The following BCKDHB variants were observed in gnomAD, a reference collection of about 807,000 sequenced individuals.
BCKDHB encodes the protein 2-oxoisovalerate dehydrogenase subunit beta, mitochondrial.
BCKDHB carries 41 observed loss-of-function variants against 48.5 expected under a neutral mutation model. The ratio of observed to expected loss-of-function variants is 0.85; its 90% confidence interval spans 0.66 to 1.10. BCKDHB has a LOEUF of 1.10. Ranked by LOEUF, BCKDHB falls within the 50% of genes least tolerant of loss-of-function variation. The pLI is 0.00. For missense variants in BCKDHB, 496 were observed against 494.2 expected, an observed-to-expected ratio of 1.00 and a Z score of -0.03; for synonymous variants, 201 against 174.8, an observed-to-expected ratio of 1.15 and a Z score of -1.18.
At chr6:80,171,458 T>G in intron 6 of BCKDHB, 68 bp downstream of exon 6, 2 of 899,754 alleles carry the variant, frequency 2.2e-6, no homozygotes, top group Non-Finnish European at 3.4e-6. Flanking sequence ...GCTCTAAAAG[T>G]TATATCTTTT....
At chr6:80,211,325 G>A (rs371016008) in intron 8 of BCKDHB, among the ~76,000 whole-genome samples, 32 of 152,018 alleles carry the variant, frequency 2.1e-4, no homozygotes, top group Admixed American at 2.0e-3. Context: ...TCTTTTTCTG[G>A]TGTGTCCTGC....
the BCKDHB span, among the ~76,000 whole-genome samples, chr6:80,381,711 G>A: frequency 6.6e-6 from 1 of 152,026 alleles, no homozygotes; most frequent in Non-Finnish European, 1.5e-5. Context: ...ACTTTTCTGT[G>A]AAGGACATTT....
chr6:80,413,958 A>G, the BCKDHB span, among the ~76,000 whole-genome samples: 2 of 152,158 alleles, frequency 1.3e-5, no homozygotes, highest in African/African-American at 2.4e-5. Flanking sequence ...CCTTGTCAGC[A>G]TCTGTTACTT....
At chr6:80,325,355 C>A (rs1768980605) in intron 9 of BCKDHB, among the ~76,000 whole-genome samples, 1 of 152,214 alleles carries the variant, frequency 6.6e-6, no homozygotes, top group East Asian at 1.9e-4. Flanking sequence ...GTGGCTTTTA[C>A]CTTTTCTGGT....
At chr6:80,201,888 C>G (rs919820220) in intron 7 of BCKDHB, among the ~76,000 whole-genome samples, 3 of 152,076 alleles carry the variant, frequency 2.0e-5, no homozygotes, top group Admixed American at 6.6e-5. Flanking sequence ...AAGAAGATAA[C>G]AAAAATAGTT....
chr6:80,440,883 A>G, the BCKDHB span: 1 of 152,088 alleles, frequency 6.6e-6, no homozygotes, highest in Non-Finnish European at 1.5e-5. Context: ...TCTAATATGG[A>G]GACAGTTCCA....
chr6:80,172,187 AT>A (rs1772949887), intron 6 of BCKDHB, among the ~76,000 whole-genome samples: 1 of 152,044 alleles, frequency 6.6e-6, no homozygotes, highest in African/African-American at 2.4e-5. Flanking sequence ...TTTTGCTTGT[AT>A]CAGTAGTTTA....
intron 8 of BCKDHB, among the ~76,000 whole-genome samples, chr6:80,218,244 G>A (rs780912188): frequency 6.6e-5 from 10 of 152,074 alleles, no homozygotes; most frequent in Middle Eastern, 3.2e-3. Flanking sequence ...TGTCGGTGGA[G>A]CCTGGGTCAC....
chr6:80,374,406 T>G, the BCKDHB span: 1 of 786,064 alleles, frequency 1.3e-6, no homozygotes, highest in Non-Finnish European at 2.3e-6. Flanking sequence ...TACGCACCGT[T>G]TCTGTAAAGT....
At position 80,295,341 on chromosome 6, in the gene BCKDHB, A is replaced by G. The variant is rs372027263; in HGVS notation, c.1038+22120A>G. ...AGGCCTCATAATCATGGCAGAAGAC[A>G]AAGGAGGAGCAAAGTCACATCTCGT... On this transcript the variant is annotated intron_variant, in intron 9 of 9. Coordinates refer to ENST00000320393, the MANE Select transcript of BCKDHB (RefSeq NM_183050.4). 4.3e-4 allele frequency among the ~76,000 whole-genome samples: 65 copies of G among 152,300 alleles called. No individual in the cohort carries two copies. In the South Asian group the frequency reaches 8.1e-3, roughly 19 times the overall value.
the BCKDHB span, among the ~76,000 whole-genome samples, chr6:80,409,789 T>A: frequency 6.6e-6 from 1 of 151,478 alleles, no homozygotes; most frequent in Non-Finnish European, 1.5e-5. Flanking sequence ...GATTTTCCTC[T>A]ATCCCTTTAT....
chr6:80,348,728 C>A (rs984799358), downstream of BCKDHB, among the ~76,000 whole-genome samples: 2 of 152,164 alleles, frequency 1.3e-5, no homozygotes, highest in Non-Finnish European at 2.9e-5. Flanking sequence ...TAGCAGAAAT[C>A]TTTGGCCTGA....
intron 6 of BCKDHB, among the ~76,000 whole-genome samples, chr6:80,180,726 T>G (rs1773373446): frequency 6.6e-6 from 1 of 152,202 alleles, no homozygotes; most frequent in South Asian, 2.1e-4. Context: ...CGAACATTAT[T>G]TAAAGTAGCT....
At chr6:80,277,796 CTG>C (rs1404456374) in intron 9 of BCKDHB, among the ~76,000 whole-genome samples, 1 of 151,560 alleles carries the variant, frequency 6.6e-6, no homozygotes, top group East Asian at 1.9e-4. Flanking sequence ...AACTCAGAAA[CTG>C]TGGATACCAA....
intron 6 of BCKDHB, among the ~76,000 whole-genome samples, chr6:80,189,105 T>C (rs1271054412): frequency 6.6e-6 from 1 of 152,252 alleles, no homozygotes; most frequent in East Asian, 1.9e-4. Context: ...AAGTCAAATA[T>C]CTGGAAGTCA....
rs371131253 is a variant in BCKDHB, at chr6:80,127,589, C to G, written c.239C>G (p.Ala80Gly). ...AATCTTTTCCAGTCTGTAACAAGTGCCTTGGATAACTCATTGGCCAAAGAT... is the reference window on the plus strand; with the variant it reads ...AATCTTTTCCAGTCTGTAACAAGTGGCTTGGATAACTCATTGGCCAAAGAT... ...KMNLFQSVTS[A>G]LDNSLAKDPT... The change falls in exon 2 of 10, where the codon GCC (alanine) becomes GGC (glycine). Residue 80 changes from alanine (A) to glycine (G), a missense_variant. Ala to Gly is a moderately conservative substitution (Grantham distance 60). Transcript: ENST00000320393. 2.5e-6 allele frequency: 4 copies of G among 1,613,274 alleles called. No individual in the cohort carries two copies. Among genetic ancestry groups the G allele is most frequent in the Non-Finnish European group, 2.5e-6 (3 of 1,179,498 alleles).
At chr6:80,440,955 C>G in the BCKDHB span, 1 of 152,138 alleles carries the variant, frequency 6.6e-6, no homozygotes, top group Non-Finnish European at 1.5e-5. Context: ...AAATTACAGT[C>G]CAGGTGGCTG....
At chr6:80,165,239 T>G (rs537833831) in intron 3 of BCKDHB, among the ~76,000 whole-genome samples, 1 of 152,272 alleles carries the variant, frequency 6.6e-6, no homozygotes, top group East Asian at 1.9e-4. Context: ...TTTCTACCAC[T>G]GAGTTTTTGG....
the BCKDHB span, among the ~76,000 whole-genome samples, chr6:80,410,324 TC>T: frequency 6.6e-6 from 1 of 152,356 alleles, no homozygotes; most frequent in Admixed American, 6.5e-5. Flanking sequence ...CCACTGTTAG[TC>T]TGATGGGCTT....
Sources: allele counts gnomAD v4.1 joint callset (sites outside exome capture counted in the v4.1 genomes callset), GRCh38; gene constraint gnomAD v4.1.1; transcripts MANE v1.5; gene names NCBI Gene and HGNC (gene_info 2026-07-23, HGNC 2026-07-21).